Variants in NKIRAS1 observed in about 807,000 individuals in gnomAD.
NKIRAS1 encodes the protein NF-kappa-B inhibitor-interacting Ras-like protein 1.
NKIRAS1 carries 16 observed loss-of-function variants against 19.8 expected under a neutral mutation model. That is an observed-to-expected ratio of 0.81 (90% CI 0.55 to 1.23). The LOEUF (loss-of-function observed/expected upper bound fraction) is 1.23, where lower values mean the gene tolerates loss of function less well. NKIRAS1 is among the 50% of genes most tolerant of loss of function. NKIRAS1 has a pLI of 0.00. For synonymous variants in NKIRAS1, 88 were observed against 79.0 expected, an observed-to-expected ratio of 1.11 and a Z score of -0.61; for missense variants, 184 against 220.0, an observed-to-expected ratio of 0.84 and a Z score of 1.04.
rs371439116 is a variant in NKIRAS1 at position 23,927,033 on chromosome 3, T to A, written c.-139-15583A>T. Among the ~76,000 whole-genome samples the A allele has an allele frequency of 5.3e-5, 8 of 152,194 alleles. No homozygotes were observed. The highest frequency in any genetic ancestry group is 1.3e-4 in the Admixed American group (2 of 15,268). On this transcript the variant is annotated intron_variant, in intron 1 of 4. Transcript: ENST00000421515. This position sits in a 1 kb window ranked among gnomAD's most constrained non-coding sequence, Gnocchi z 4.0. ...AGCAACACTCTCCACAGCCCCAACATCATTCCAGTTCAGCCTTGGGAAGGC... is the reference window on the plus strand; with the variant it reads ...AGCAACACTCTCCACAGCCCCAACAACATTCCAGTTCAGCCTTGGGAAGGC...
intron 1 of NKIRAS1, among the ~76,000 whole-genome samples, chr3:23,930,566 T>C (rs527341647): frequency 5.5e-4 from 84 of 152,216 alleles, no homozygotes; most frequent in Non-Finnish European, 9.8e-4. Flanking sequence ...GAATTTACAA[T>C]GCCCTCTTTA....
At chr3:23,939,709 A>C (rs930164491) in intron 1 of NKIRAS1, among the ~76,000 whole-genome samples, 2 of 152,264 alleles carry the variant, frequency 1.3e-5, no homozygotes, top group Admixed American at 6.5e-5. Context: ...GTGCCACTGC[A>C]CTCCAGTCTG....
At chr3:23,944,865 G>A (rs1705589408) in intron 1 of NKIRAS1, among the ~76,000 whole-genome samples, 2 of 151,752 alleles carry the variant, frequency 1.3e-5, no homozygotes, top group Non-Finnish European at 2.9e-5. Context: ...CGCAAGGGTT[G>A]AGCAAGCCCG....
At position 23,893,194 on chromosome 3, in the gene NKIRAS1, T is replaced by C; in HGVS notation, c.480A>G (p.Pro160=). 2 of 1,613,980 alleles carry C rather than the reference T, an allele frequency of 1.2e-6. No individual in the cohort carries two copies. Among genetic ancestry groups the C allele is most frequent in the East Asian group, 2.2e-5 (1 of 44,880 alleles). The change falls in exon 5 of 5, where the codon CCA becomes CCG. Residue 160 remains proline, a synonymous_variant. Coordinates refer to ENST00000425478, the MANE Select transcript of NKIRAS1 (RefSeq NM_020345.4). ...TVTDRKTLIE[P]FTLLASKLSQ... ...AAAGTTTACTGGCTAATAAAGTGAA[T>C]GGTTCAATCAGAGTTTTCCGATCTG...
intron 4 of NKIRAS1, among the ~76,000 whole-genome samples, chr3:23,895,526 C>T (rs1701891490): frequency 6.6e-6 from 1 of 152,162 alleles, no homozygotes; most frequent in African/African-American, 2.4e-5. Context: ...TTTATTCACT[C>T]CCTTGCCCCC....
intron 1 of NKIRAS1, among the ~76,000 whole-genome samples, chr3:23,934,882 T>A (rs1405418777): frequency 6.6e-6 from 1 of 152,094 alleles, no homozygotes; most frequent in Non-Finnish European, 1.5e-5. Flanking sequence ...ATCTCTGAAT[T>A]TTTTTAATCT....
In NKIRAS1 at chr3:23,906,994, A is replaced by G. The variant is rs146249812; in HGVS notation, c.94+3817T>C. Among the ~76,000 whole-genome samples, 914 of 152,126 alleles carry G rather than the reference A, an allele frequency of 6.0e-3. 9 individuals are homozygous for G. Among genetic ancestry groups the G allele is most frequent in the African/African-American group, 0.021 (857 of 41,494 alleles). The stretch of plus-strand genomic sequence containing the variant: ...CGATAAACTCTGCCTCCCGGGTTCA[A>G]GAGATTCTCATGACTCAGCCTCCTA... On this transcript the variant is annotated intron_variant, in intron 3 of 4. Coordinates refer to ENST00000425478, the MANE Select transcript of NKIRAS1 (RefSeq NM_020345.4).
upstream of NKIRAS1, chr3:23,920,674 T>C (rs1705028872): frequency 1.0e-6 from 1 of 985,194 alleles, no homozygotes; most frequent in South Asian, 4.7e-5. Context: ...CTATCTTCTC[T>C]AGGGGTTTCA....
chr3:23,925,640 A>T lies in NKIRAS1; in HGVS notation c.-139-14190T>A, dbSNP rs193092439. ...CAGAGTAAGACTCTGTCTCAAAAAA[A>T]TAAATAAATAAATAAATAAATGTAC... On this transcript the variant is annotated intron_variant, in intron 1 of 4. Coordinates refer to the NKIRAS1 transcript ENST00000421515. Among the ~76,000 whole-genome samples, 93 of 152,070 alleles carry T rather than the reference A, an allele frequency of 6.1e-4. 1 individual carries two copies. The highest frequency in any genetic ancestry group is 2.2e-3 in the African/African-American group (91 of 41,440).
intron 3 of NKIRAS1, among the ~76,000 whole-genome samples, chr3:23,904,610 G>A (rs975509013): frequency 6.6e-6 from 1 of 151,714 alleles, no homozygotes; most frequent in African/African-American, 2.4e-5. Flanking sequence ...AATTTTGGAG[G>A]AGACACTATC....
In NKIRAS1 at chr3:23,890,763, G is replaced by C; in HGVS notation, c.*2332C>G. 1 of 605,644 alleles carries C rather than the reference G, an allele frequency of 1.7e-6. No individual in the cohort carries two copies. The highest frequency in any genetic ancestry group is 4.1e-5 in the South Asian group (1 of 24,536). The allele number at this position is 605,644 out of a possible 1,614,324, so 37.5% of individuals were successfully genotyped here. A position where few individuals can be genotyped will look rare whatever the true frequency, so the allele number is the denominator to read the frequency against. ...TTCCTAAGATTTTGTTGTAACTTAA[G>C]GTATCTTGCTACAGTAGACAGAATT... On this transcript the variant is annotated 3_prime_UTR_variant, in exon 5 of 5. Transcript: ENST00000425478.
At position 23,945,634 on chromosome 3, in the gene NKIRAS1, G is replaced by A; in HGVS notation, c.-140+689C>T. The A allele has an allele frequency of 2.6e-6, 3 of 1,155,240 alleles. 1 individual carries two copies. Among genetic ancestry groups the A allele is most frequent in the South Asian group, 8.5e-5 (2 of 23,644 alleles). 71.6% of individuals were successfully genotyped at this position (1,155,240 alleles called of 1,614,324 possible). Reference sequence around the variant, plus strand: ...GCGGCGGGTGGGGGATGGCCGGAGGGAGCGCTCAGAGCCCGCGGGGCACTT... The same window carrying A: ...GCGGCGGGTGGGGGATGGCCGGAGGAAGCGCTCAGAGCCCGCGGGGCACTT... On this transcript the variant is annotated intron_variant, in intron 1 of 4. Transcript: ENST00000421515.
At chr3:23,945,500 GCGCGGCGCTGAGGCGGCGGC>G in intron 1 of NKIRAS1, 2 of 910,298 alleles carry the variant, frequency 2.2e-6, no homozygotes, top group African/African-American at 1.9e-5. Flanking sequence ...GCCCGGGGCG[GCGCGGCGCTGAGGCGGCGGC>G]GGCGGCGCTG....
At chr3:23,946,074 A>C in intron 1 of NKIRAS1, 9 of 982,448 alleles carry the variant, frequency 9.2e-6, no homozygotes, top group Non-Finnish European at 1.1e-5. Flanking sequence ...GCCTCCCGGG[A>C]GGCTCCGCCC....
At chr3:23,917,021 C>A (rs1292863127), upstream of NKIRAS1, 1 of 152,580 alleles carries the variant, frequency 6.6e-6, no homozygotes, top group African/African-American at 2.4e-5. Flanking sequence ...CGGCAGAACT[C>A]CGCCACCAGG....
intron 3 of NKIRAS1, among the ~76,000 whole-genome samples, chr3:23,908,281 C>T (rs148539779): frequency 6.6e-6 from 1 of 152,244 alleles, no homozygotes; most frequent in East Asian, 1.9e-4. Context: ...TAAAAAAGTT[C>T]ACGAATATGA....
Position 23,890,844 on chromosome 3 carries a change from TACAGA to T in NKIRAS1, c.*2246_*2250del. The T allele has an allele frequency of 2.7e-6, 1 of 365,196 alleles. No homozygotes were observed. The highest frequency in any genetic ancestry group is 6.9e-5 in the South Asian group (1 of 14,580). The allele number at this position is 365,196 out of a possible 1,614,324, so 22.6% of individuals were successfully genotyped here. On this transcript the variant is annotated 3_prime_UTR_variant, in exon 5 of 5. Coordinates refer to ENST00000425478, the MANE Select transcript of NKIRAS1 (RefSeq NM_020345.4). ...TTCTGCAATATTAGCTGAAATGTAG[TACAGA>T]AAAGAATGTACATTTAGACATTTGG...
intron 1 of NKIRAS1, among the ~76,000 whole-genome samples, chr3:23,944,849 G>T (rs1238398507): frequency 6.7e-6 from 1 of 148,882 alleles, no homozygotes; most frequent in East Asian, 2.0e-4. Context: ...GGGTGGGGGT[G>T]GGGGGCGCAA....
chr3:23,910,539 C>A (rs1265895541), intron 3 of NKIRAS1, among the ~76,000 whole-genome samples: 3 of 152,152 alleles, frequency 2.0e-5, no homozygotes, highest in Admixed American at 2.0e-4. Context: ...ACACGGAAAA[C>A]CACATATATA....
Sources: allele counts gnomAD v4.1 joint callset (sites outside exome capture counted in the v4.1 genomes callset), GRCh38; gene constraint gnomAD v4.1.1; non-coding constraint Gnocchi (gnomAD v3.1); transcripts MANE v1.5; gene names NCBI Gene and HGNC (gene_info 2026-07-23, HGNC 2026-07-21).